SCMH1: variants seen among roughly 807,000 people sequenced by gnomAD.
SCMH1 encodes Scm polycomb group protein homolog 1.
Under a neutral mutation model 70.8 loss-of-function variants are expected in SCMH1, and 37 were observed. The observed-to-expected ratio is 0.52, with a 90% CI of 0.40 to 0.69. The LOEUF is 0.69. Ranked by LOEUF, SCMH1 falls within the 30% of genes least tolerant of loss-of-function variation. The pLI is 0.00. For missense variants in SCMH1, 607 were observed against 827.3 expected, an observed-to-expected ratio of 0.73 and a Z score of 3.27; for synonymous variants, 292 against 307.4, an observed-to-expected ratio of 0.95 and a Z score of 0.52.
chr1:41,051,375 ACTT>A (rs1232328308), intron 10 of SCMH1, among the ~76,000 whole-genome samples: 6 of 152,236 alleles, frequency 3.9e-5, no homozygotes, highest in Admixed American at 3.3e-4. Context: ...TATTTAGTAT[ACTT>A]CTTATCATTA....
At chr1:41,130,002 G>GT (rs985603547) in intron 6 of SCMH1, among the ~76,000 whole-genome samples, 5 of 151,966 alleles carry the variant, frequency 3.3e-5, no homozygotes, top group Non-Finnish European at 5.9e-5. Context: ...GTTATTTTCT[G>GT]TTTTTTTCCT....
intron 1 of SCMH1, among the ~76,000 whole-genome samples, chr1:41,226,799 T>C (rs776293357): frequency 8.5e-5 from 13 of 152,214 alleles, no homozygotes; most frequent in Non-Finnish European, 1.6e-4. Flanking sequence ...CAAGGTACTA[T>C]GAAATGTGCA....
At chr1:41,035,473 G>A (rs1164657507) in intron 13 of SCMH1, among the ~76,000 whole-genome samples, 1 of 152,058 alleles carries the variant, frequency 6.6e-6, no homozygotes, top group Non-Finnish European at 1.5e-5. Context: ...CTTTTCTTTG[G>A]TCCATTTTTC....
At chr1:41,147,379 G>A (rs1489970796) in intron 5 of SCMH1, among the ~76,000 whole-genome samples, 5 of 152,110 alleles carry the variant, frequency 3.3e-5, no homozygotes, top group Admixed American at 1.3e-4. Flanking sequence ...GATATTCTTT[G>A]TAGACTATTA....
intron 1 of SCMH1, among the ~76,000 whole-genome samples, chr1:41,228,755 A>G (rs1052065320): frequency 3.9e-5 from 6 of 152,124 alleles, no homozygotes; most frequent in African/African-American, 1.4e-4. Flanking sequence ...TGGGGAAAAA[A>G]AAAAAGAAAG....
In SCMH1 at chr1:41,078,256, G is replaced by A. The variant is rs544342991; in HGVS notation, c.746-2805C>T. ...GAGCATTAGAGATTAAGTAGACACAGTCAATAGGTCCAAAATATGAGTGGC... is the reference window on the plus strand; with the variant it reads ...GAGCATTAGAGATTAAGTAGACACAATCAATAGGTCCAAAATATGAGTGGC... On this transcript the variant is annotated intron_variant, in intron 8 of 14. Coordinates refer to ENST00000337495, the Ensembl canonical transcript of SCMH1. Among the ~76,000 whole-genome samples, 5 of 152,042 alleles carry A rather than the reference G, an allele frequency of 3.3e-5. No homozygotes were observed. In the South Asian group the frequency reaches 1.0e-3, roughly 32 times the overall value.
At chr1:41,087,953 T>TGTGTGTGTGTGTGTGTGTGTGG (rs1662232473) in intron 8 of SCMH1, among the ~76,000 whole-genome samples, 1 of 151,574 alleles carries the variant, frequency 6.6e-6, no homozygotes, top group East Asian at 1.9e-4. Context: ...TGTGTGTGTG[T>TGTGTGTGTGTGTGTGTGTGTGG]GTGTGTGTGT....
intron 8 of SCMH1, 65 bp from the exon 9 acceptor site, chr1:41,075,516 A>C (rs1658025126): frequency 7.2e-7 from 1 of 1,391,092 alleles, no homozygotes; most frequent in Non-Finnish European, 1.0e-6. Flanking sequence ...AGCCAGAAGA[A>C]AAAAAGGACT....
At chr1:41,028,726 C>T in exon 14 of SCMH1, 1 of 1,613,940 alleles carries the variant, frequency 6.2e-7, no homozygotes, top group South Asian at 1.1e-5. Flanking sequence ...TCGGTCCGAC[C>T]CTGCAGGACA....
At chr1:41,074,584 C>G (rs113924287) in intron 9 of SCMH1, among the ~76,000 whole-genome samples, 1,880 of 152,138 alleles carry the variant, frequency 0.012, 46 homozygotes, top group African/African-American at 0.043. Flanking sequence ...TTAATTTGTG[C>G]TTTCTGTCTA....
intron 12 of SCMH1, 51 bp downstream of exon 12, chr1:41,046,356 G>A (rs1284181459): frequency 6.5e-7 from 1 of 1,537,338 alleles, no homozygotes; most frequent in African/African-American, 1.4e-5. Flanking sequence ...TGCAGGTGCT[G>A]CTGCTAGCCC....
intron 8 of SCMH1, among the ~76,000 whole-genome samples, chr1:41,096,897 A>C (rs1392952221): frequency 1.3e-5 from 2 of 152,222 alleles, no homozygotes; most frequent in African/African-American, 4.8e-5. Flanking sequence ...CAGCTGCTAA[A>C]GGGATTACAC....
At chr1:41,097,386 C>A (rs763581252) in intron 8 of SCMH1, among the ~76,000 whole-genome samples, 2 of 152,182 alleles carry the variant, frequency 1.3e-5, no homozygotes, top group African/African-American at 2.4e-5. Context: ...GTTTTAGGAT[C>A]CTCTAGTACT....
At chr1:41,037,327 G>A (rs373441463) in intron 13 of SCMH1, 35 bp downstream of exon 13, 53 of 1,597,668 alleles carry the variant, frequency 3.3e-5, no homozygotes, top group African/African-American at 1.1e-4. Context: ...AAAGAGTGAG[G>A]GAGGGAAGGA....
Position 41,177,588 on chromosome 1 carries a change from G to A in SCMH1, c.13+8533C>T, listed in dbSNP as rs563830544. On this transcript the variant is annotated intron_variant, in intron 2 of 14. Coordinates refer to ENST00000337495, the Ensembl canonical transcript of SCMH1. ...AACCATGGCATGAGAACTACGTGAC[G>A]AATGCACAAGCCTCAGTAGCCGATT... is the stretch of plus-strand genomic sequence containing the variant. 5.3e-4 allele frequency among the ~76,000 whole-genome samples: 81 copies of A among 152,250 alleles called. 1 individual carries two copies. The highest frequency in any genetic ancestry group is 1.7e-3 in the African/African-American group (72 of 41,548).
chr1:41,112,177 C>T (rs1192616769), intron 8 of SCMH1, among the ~76,000 whole-genome samples: 2 of 152,000 alleles, frequency 1.3e-5, no homozygotes, highest in Non-Finnish European at 2.9e-5. Flanking sequence ...TCTGTTTCAC[C>T]CAACTAGAAT....
chr1:41,234,200 C>T (rs1178742354), intron 1 of SCMH1, among the ~76,000 whole-genome samples: 1 of 152,080 alleles, frequency 6.6e-6, no homozygotes, highest in East Asian at 1.9e-4. Context: ...TTTGGAAGGC[C>T]GAGGTGGGAG....
chr1:41,030,448 T>G (rs969045315), intron 13 of SCMH1, among the ~76,000 whole-genome samples: 2 of 152,156 alleles, frequency 1.3e-5, no homozygotes, highest in African/African-American at 4.8e-5. Flanking sequence ...CACACTAGCC[T>G]TCTTTCTGCT....
chr1:41,166,461 C>A (rs767204610), intron 2 of SCMH1, among the ~76,000 whole-genome samples: 1 of 151,990 alleles, frequency 6.6e-6, no homozygotes, highest in Non-Finnish European at 1.5e-5. Flanking sequence ...AATATTAATT[C>A]TTTCCATCCA....
Sources: gnomAD v4.1 joint callset for allele counts (sites outside exome capture counted in the v4.1 genomes callset) on GRCh38, gnomAD v4.1.1 for gene constraint, MANE v1.5 for transcripts, NCBI Gene and HGNC (gene_info 2026-07-23, HGNC 2026-07-21) for gene names.